Variants in MCTP1 observed in about 807,000 individuals in gnomAD.
The protein encoded by MCTP1 is multiple C2 and transmembrane domain containing 1.
In MCTP1, 69 loss-of-function variants were observed where a neutral mutation model predicts 120.6. The ratio of observed to expected loss-of-function variants is 0.57; its 90% CI spans 0.47 to 0.70. MCTP1 has a LOEUF of 0.70. MCTP1 is among the 30% of genes least tolerant of loss of function. The pLI, the probability that MCTP1 is intolerant of heterozygous loss-of-function variation, is 0.00. For synonymous variants in MCTP1, 529 were observed against 493.1 expected (o/e 1.07, Z -0.96); for missense variants, 1,203 against 1,248.8 (o/e 0.96, Z 0.55).
At chr5:95,254,633 T>A (rs1401265067) in intron 1 of MCTP1, among the ~76,000 whole-genome samples, 1 of 152,200 alleles carries the variant, frequency 6.6e-6, no homozygotes, top group East Asian at 1.9e-4. Context: ...TAGACATGGA[T>A]ACTATGTTAA....
intron 19 of MCTP1, among the ~76,000 whole-genome samples, chr5:94,752,382 T>C (rs1442060009): frequency 1.3e-5 from 2 of 151,834 alleles, no homozygotes; most frequent in East Asian, 1.9e-4. Context: ...CTTGACCAAA[T>C]GTTCGCCAGA....
chr5:95,221,417 C>T lies in MCTP1; in HGVS notation c.720+62439G>A, dbSNP rs533528081. ...GTCTGGGCAGGTTTTGCACAGGGAC[C>T]GAAACAGAAAGAAGGCATCTTATAG... On this transcript the variant is annotated intron_variant, in intron 1 of 22. Coordinates refer to ENST00000515393, the MANE Select transcript of MCTP1 (RefSeq NM_024717.7). Among the ~76,000 whole-genome samples the T allele has an allele frequency of 6.6e-5, 10 of 152,234 alleles. 1 individual carries two copies. The South Asian group carries it at 1.9e-3, about 28-fold the overall frequency.
intron 17 of MCTP1, chr5:94,826,040 A>C (rs1786988641): frequency 6.1e-6 from 2 of 325,740 alleles, no homozygotes; most frequent in Non-Finnish European, 1.2e-5. Flanking sequence ...CTGTTTCTTC[A>C]TTCTGGCTCG....
chr5:95,164,975 C>T (rs996521942), intron 1 of MCTP1, among the ~76,000 whole-genome samples: 22 of 152,078 alleles, frequency 1.4e-4, no homozygotes, highest in Non-Finnish European at 1.0e-4. Context: ...ATCCAGCAGA[C>T]AGAAAGAGGG....
chr5:95,205,072 A>G (rs888047788), intron 1 of MCTP1, among the ~76,000 whole-genome samples: 1 of 152,174 alleles, frequency 6.6e-6, no homozygotes, highest in African/African-American at 2.4e-5. Flanking sequence ...CTCACACTTC[A>G]TAATTTATTA....
chr5:94,836,709 G>A (rs781238647), intron 17 of MCTP1, among the ~76,000 whole-genome samples: 2 of 152,138 alleles, frequency 1.3e-5, no homozygotes, highest in African/African-American at 4.8e-5. Context: ...TTAGTTTCTT[G>A]TATAAACCAC....
chr5:95,155,872 T>C (rs1745066076), intron 1 of MCTP1, among the ~76,000 whole-genome samples: 1 of 152,070 alleles, frequency 6.6e-6, no homozygotes, highest in Non-Finnish European at 1.5e-5. Context: ...ATGACAAAGG[T>C]GATGGGTTGG....
intron 10 of MCTP1, among the ~76,000 whole-genome samples, chr5:94,901,751 C>G (rs915766663): frequency 1.3e-5 from 2 of 152,144 alleles, no homozygotes; most frequent in Non-Finnish European, 1.5e-5. Flanking sequence ...TCTCCCCTGC[C>G]TTTCCATCTG....
At chr5:94,793,372 CT>C (rs1779374693) in intron 18 of MCTP1, 1 of 151,994 alleles carries the variant, frequency 6.6e-6, no homozygotes, top group African/African-American at 2.4e-5. Flanking sequence ...AGGTCTGGTT[CT>C]TTTCATGGTC....
At chr5:94,833,427 T>C (rs2073378491) in intron 17 of MCTP1, among the ~76,000 whole-genome samples, 1 of 152,194 alleles carries the variant, frequency 6.6e-6, no homozygotes, top group Non-Finnish European at 1.5e-5. Flanking sequence ...TGAAAAGGCA[T>C]AATAAATTAT....
intron 19 of MCTP1, among the ~76,000 whole-genome samples, chr5:94,732,704 A>G (rs1454811904): frequency 6.6e-6 from 1 of 152,132 alleles, no homozygotes; most frequent in Non-Finnish European, 1.5e-5. Context: ...AACAAACCCT[A>G]GAGAGTTCTT....
At chr5:94,811,608 T>C (rs976270503) in intron 17 of MCTP1, among the ~76,000 whole-genome samples, 5 of 152,196 alleles carry the variant, frequency 3.3e-5, no homozygotes, top group Non-Finnish European at 5.9e-5. Context: ...TTATAGCAAG[T>C]ACAAATTCTT....
intron 19 of MCTP1, among the ~76,000 whole-genome samples, chr5:94,755,145 G>A (rs1769463669): frequency 6.6e-6 from 1 of 152,086 alleles, no homozygotes; most frequent in African/African-American, 2.4e-5. Flanking sequence ...ACTCATAGCA[G>A]GTGACCATTT....
chr5:95,017,268 T>C, intron 2 of MCTP1, 99 bp downstream of exon 2: 1 of 606,596 alleles, frequency 1.6e-6, no homozygotes, highest in Non-Finnish European at 2.8e-6. Flanking sequence ...AAAATTATAT[T>C]CTAGTTAATT....
At chr5:95,136,418 C>T (rs996390280) in intron 1 of MCTP1, among the ~76,000 whole-genome samples, 6 of 152,112 alleles carry the variant, frequency 3.9e-5, no homozygotes, top group African/African-American at 1.4e-4. Flanking sequence ...TTAAGTTAAG[C>T]TATCTGCTCA....
chr5:95,131,964 C>T (rs559782381), intron 1 of MCTP1, among the ~76,000 whole-genome samples: 2 of 152,280 alleles, frequency 1.3e-5, no homozygotes, highest in African/African-American at 4.8e-5. Context: ...CTCTTTAAAG[C>T]CCCAGTTTAT....
intron 17 of MCTP1, among the ~76,000 whole-genome samples, chr5:94,822,901 G>GT (rs951317308): frequency 1.3e-5 from 2 of 151,176 alleles, no homozygotes; most frequent in Non-Finnish European, 3.0e-5. Context: ...TTTTGATGGG[G>GT]TTTTTTCTTG....
intron 1 of MCTP1, among the ~76,000 whole-genome samples, chr5:95,145,349 T>C (rs1402281953): frequency 1.3e-5 from 2 of 152,050 alleles, no homozygotes; most frequent in African/African-American, 4.8e-5. Flanking sequence ...CAGAGGGAGA[T>C]ACTTTGACTT....
At chr5:95,101,324 T>G (rs745817567) in intron 1 of MCTP1, among the ~76,000 whole-genome samples, 1 of 152,192 alleles carries the variant, frequency 6.6e-6, no homozygotes, top group Non-Finnish European at 1.5e-5. Context: ...CATCTTTTTT[T>G]CAAAATAGGT....
Sources: allele counts gnomAD v4.1 joint callset (sites outside exome capture counted in the v4.1 genomes callset), GRCh38; gene constraint gnomAD v4.1.1; transcripts MANE v1.5; gene names NCBI Gene and HGNC (gene_info 2026-07-23, HGNC 2026-07-21).